Variants in KCNIP4 observed in about 807,000 individuals in gnomAD.
KCNIP4 encodes the protein potassium voltage-gated channel interacting protein 4.
Under a neutral mutation model 34.0 loss-of-function variants are expected in KCNIP4, and 12 were observed. The ratio of observed to expected loss-of-function variants is 0.35; its 90% CI spans 0.23 to 0.57. The LOEUF (loss-of-function observed/expected upper bound fraction) is 0.57, where lower values mean the gene tolerates loss of function less well. Ranked by LOEUF, KCNIP4 falls within the 20% of genes least tolerant of loss-of-function variation. KCNIP4 has a pLI of 0.83. For missense variants in KCNIP4, 238 were observed against 311.7 expected, an observed-to-expected ratio of 0.76 and a Z score of 1.78; for synonymous variants, 124 against 102.2, an observed-to-expected ratio of 1.21 and a Z score of -1.29.
intron 1 of KCNIP4, among the ~76,000 whole-genome samples, chr4:21,582,685 C>G (rs1325924584): frequency 1.3e-5 from 2 of 151,720 alleles, no homozygotes; most frequent in Non-Finnish European, 2.9e-5. Flanking sequence ...TTTCTTTATG[C>G]AAATACCTTT....
chr4:21,596,542 A>AC (rs1560546913), intron 1 of KCNIP4, among the ~76,000 whole-genome samples: 1 of 151,884 alleles, frequency 6.6e-6, no homozygotes, highest in African/African-American at 2.4e-5. Flanking sequence ...CTGTTTTGAA[A>AC]CCCCCCTCCC....
intron 1 of KCNIP4, among the ~76,000 whole-genome samples, chr4:21,509,120 CAT>C (rs1275521881): frequency 1.3e-5 from 2 of 152,060 alleles, no homozygotes; most frequent in African/African-American, 4.8e-5. Context: ...ATTGTTATAT[CAT>C]AATTCTGACT....
intron 3 of KCNIP4, among the ~76,000 whole-genome samples, chr4:20,789,169 T>C (rs1266942020): frequency 1.3e-5 from 2 of 152,094 alleles, no homozygotes; most frequent in East Asian, 3.9e-4. Context: ...TCCCATAAGG[T>C]TTATTTCTAC....
In KCNIP4 at chr4:21,504,465, C is replaced by CAAAAAAAAAAAAAAAAAA. The variant is rs376644707; in HGVS notation, c.61+444105_61+444106insTTTTTTTTTTTTTTTTTT. On this transcript the variant is annotated intron_variant, in intron 1 of 8. Transcript: ENST00000382152. The stretch of plus-strand genomic sequence containing the variant: ...CCTGGGCAATAGAATGACTCCAACT[C>CAAAAAAAAAAAAAAAAAA]AAAAAAAAAAAAAGAAAGAAAGAAA... Among the ~76,000 whole-genome samples the CAAAAAAAAAAAAAAAAAA allele has an allele frequency of 2.5e-3, 138 of 56,166 alleles. 2 individuals carry two copies. The highest frequency in any genetic ancestry group is 3.2e-3 in the Non-Finnish European group (102 of 31,720). The allele number at this position is 56,166 out of a possible 152,430, so 36.8% of individuals were successfully genotyped here.
chr4:21,477,422 C>A (rs770271413), intron 1 of KCNIP4, among the ~76,000 whole-genome samples: 1 of 152,130 alleles, frequency 6.6e-6, no homozygotes, highest in Non-Finnish European at 1.5e-5. Flanking sequence ...ATATCACTGT[C>A]TTTTCTGGAT....
intron 1 of KCNIP4, among the ~76,000 whole-genome samples, chr4:21,459,152 T>C (rs992601712): frequency 9.2e-5 from 14 of 152,094 alleles, no homozygotes; most frequent in Admixed American, 8.5e-4. Flanking sequence ...ATGGCCACTC[T>C]CTTCAATTCC....
chr4:21,562,461 G>A (rs1242425983), intron 1 of KCNIP4, among the ~76,000 whole-genome samples: 1 of 151,958 alleles, frequency 6.6e-6, no homozygotes, highest in Non-Finnish European at 1.5e-5. Context: ...TAGCTTGTGG[G>A]AATCACTTTT....
chr4:20,935,972 T>G (rs1731016829), intron 1 of KCNIP4, among the ~76,000 whole-genome samples: 3 of 152,228 alleles, frequency 2.0e-5, no homozygotes, highest in Admixed American at 2.0e-4. Context: ...TTAATTCACT[T>G]AACAATCCTA....
intron 1 of KCNIP4, among the ~76,000 whole-genome samples, chr4:21,347,243 T>C (rs1717533620): frequency 6.6e-6 from 1 of 152,148 alleles, no homozygotes; most frequent in Non-Finnish European, 1.5e-5. Context: ...AATAGCTAGA[T>C]AGGGGAAGCC....
In KCNIP4 at chr4:21,772,782, T is replaced by C. The variant is rs986797977; in HGVS notation, c.61+175789A>G. On this transcript the variant is annotated intron_variant, in intron 1 of 8. Coordinates refer to ENST00000382152, the MANE Select transcript of KCNIP4 (RefSeq NM_025221.6). ...CAGTGACGATACCCCCTTTATCATT[T>C]TTTATTGCATCTATTTTATTCTTCT... 2.0e-5 allele frequency among the ~76,000 whole-genome samples: 3 copies of C among 152,160 alleles called. No individual in the cohort carries two copies. The East Asian group carries it at 5.8e-4, about 29-fold the overall frequency.
At chr4:21,037,190 T>C (rs892577375) in intron 1 of KCNIP4, among the ~76,000 whole-genome samples, 1 of 152,200 alleles carries the variant, frequency 6.6e-6, no homozygotes, top group African/African-American at 2.4e-5. Flanking sequence ...CTAACGTTAA[T>C]TTATTACTGA....
At chr4:20,748,558 TTTTA>T (rs1456777073) in intron 5 of KCNIP4, among the ~76,000 whole-genome samples, 1,656 of 118,326 alleles carry the variant, frequency 0.014, 31 homozygotes, top group Non-Finnish European at 0.015. Context: ...ACCTTCCAAA[TTTTA>T]TATATATATA....
At chr4:20,918,893 C>A (rs867292274) in intron 1 of KCNIP4, among the ~76,000 whole-genome samples, 16 of 152,190 alleles carry the variant, frequency 1.1e-4, no homozygotes, top group African/African-American at 3.6e-4. Context: ...AGTAGGCCAA[C>A]TGTAAGTAAG....
rs1228893068 is a variant in KCNIP4, at chr4:21,263,133, C to T, written c.62-380424G>A. 9.7e-4 allele frequency among the ~76,000 whole-genome samples: 147 copies of T among 152,250 alleles called. 1 individual carries two copies. The highest frequency in any genetic ancestry group is 2.9e-5 in the Non-Finnish European group (2 of 68,042). ...ATAAGGGTAGCATATCTTGGTCACA[C>T]TGACATGAGTAATTGGTCCATATGA... On this transcript the variant is annotated intron_variant, in intron 1 of 8. Coordinates refer to ENST00000382152, the MANE Select transcript of KCNIP4 (RefSeq NM_025221.6).
At chr4:21,657,592 A>G (rs747621943) in intron 1 of KCNIP4, among the ~76,000 whole-genome samples, 9 of 152,160 alleles carry the variant, frequency 5.9e-5, no homozygotes, top group Non-Finnish European at 1.0e-4. Context: ...AGAATTATTA[A>G]TGTTTCTTCT....
chr4:21,348,534 T>A (rs1717690139), intron 1 of KCNIP4, among the ~76,000 whole-genome samples: 1 of 152,138 alleles, frequency 6.6e-6, no homozygotes, highest in South Asian at 2.1e-4. Context: ...GTATACAACA[T>A]AACAGTCTCC....
chr4:20,740,861 A>C (rs1273154691), intron 5 of KCNIP4, among the ~76,000 whole-genome samples: 1 of 152,202 alleles, frequency 6.6e-6, no homozygotes, highest in Non-Finnish European at 1.5e-5. Context: ...GCTCAAAATA[A>C]AGGGATGGAG....
intron 1 of KCNIP4, among the ~76,000 whole-genome samples, chr4:21,832,014 AACAG>A (rs2109306410): frequency 6.6e-6 from 1 of 152,296 alleles, no homozygotes; most frequent in Admixed American, 6.5e-5. Context: ...AACCAAATCC[AACAG>A]CACATTAAAA....
At chr4:21,380,599 A>G (rs1721414829) in intron 1 of KCNIP4, among the ~76,000 whole-genome samples, 1 of 152,162 alleles carries the variant, frequency 6.6e-6, no homozygotes, top group African/African-American at 2.4e-5. Context: ...AGAATAAATC[A>G]ATGAAATGCT....
Sources: allele counts gnomAD v4.1 joint callset (sites outside exome capture counted in the v4.1 genomes callset), GRCh38; gene constraint gnomAD v4.1.1; transcripts MANE v1.5; gene names NCBI Gene and HGNC (gene_info 2026-07-23, HGNC 2026-07-21).